C8orf34: variants seen among roughly 807,000 people sequenced by gnomAD.
C8orf34 encodes the protein chromosome 8 open reading frame 34.
C8orf34 carries 65 observed loss-of-function variants against 68.3 expected under a neutral mutation model. The observed-to-expected ratio is 0.95, with a 90% CI of 0.78 to 1.17. The LOEUF is 1.17. C8orf34 is among the 50% of genes most tolerant of loss of function. C8orf34 has a pLI of 0.00. For synonymous variants in C8orf34, 244 were observed against 241.2 expected, an observed-to-expected ratio of 1.01 and a Z score of -0.11; for missense variants, 664 against 655.4, an observed-to-expected ratio of 1.01 and a Z score of -0.14.
chr8:68,340,414 A>T (rs2129617986), intron 1 of C8orf34, among the ~76,000 whole-genome samples: 1 of 152,290 alleles, frequency 6.6e-6, no homozygotes, highest in Non-Finnish European at 1.5e-5. Context: ...TTATTTTCTG[A>T]AAGATTAATA....
chr8:68,765,890 G>A (rs1377156709), intron 10 of C8orf34, among the ~76,000 whole-genome samples: 2 of 152,288 alleles, frequency 1.3e-5, no homozygotes, highest in African/African-American at 4.8e-5. Context: ...TATATGACCT[G>A]AATTTGTTTA....
intron 3 of C8orf34, among the ~76,000 whole-genome samples, chr8:68,463,210 T>C (rs554476383): frequency 0.013 from 2,014 of 152,172 alleles, 46 homozygotes; most frequent in African/African-American, 0.046. Flanking sequence ...ATAAATTCCT[T>C]GACACATACA....
intron 11 of C8orf34, among the ~76,000 whole-genome samples, chr8:68,781,039 A>T (rs1420094999): frequency 1.3e-5 from 2 of 152,202 alleles, no homozygotes; most frequent in African/African-American, 4.8e-5. Context: ...AATTAAAGTG[A>T]TTAAACCATT....
chr8:68,735,397 C>T (rs771615236), intron 10 of C8orf34, among the ~76,000 whole-genome samples: 6 of 152,150 alleles, frequency 3.9e-5, no homozygotes, highest in Non-Finnish European at 7.4e-5. Flanking sequence ...AACGATAACA[C>T]GTAGCTGCAT....
chr8:68,785,600 G>C (rs890780463), intron 11 of C8orf34, among the ~76,000 whole-genome samples: 23 of 152,170 alleles, frequency 1.5e-4, no homozygotes, highest in African/African-American at 4.8e-4. Flanking sequence ...CCCCTTCAGT[G>C]AGGTTGTTTC....
intron 10 of C8orf34, among the ~76,000 whole-genome samples, chr8:68,748,612 T>C (rs546104715): frequency 3.3e-4 from 50 of 152,302 alleles, no homozygotes; most frequent in African/African-American, 4.8e-4. Flanking sequence ...AAGACATTTA[T>C]GCAGCCAAAA....
intron 5 of C8orf34, among the ~76,000 whole-genome samples, chr8:68,502,735 G>C (rs565106215): frequency 6.6e-6 from 1 of 152,304 alleles, no homozygotes; most frequent in African/African-American, 2.4e-5. Flanking sequence ...GTAGAATTAT[G>C]AAATTAGACA....
intron 1 of C8orf34, among the ~76,000 whole-genome samples, chr8:68,345,261 G>C (rs993520599): frequency 6.6e-6 from 1 of 151,874 alleles, no homozygotes; most frequent in Admixed American, 6.6e-5. Context: ...TGAGACAATT[G>C]ATATTGCATT....
chr8:68,758,680 G>A (rs1220924046), intron 10 of C8orf34, among the ~76,000 whole-genome samples: 1 of 152,018 alleles, frequency 6.6e-6, no homozygotes, highest in Non-Finnish European at 1.5e-5. Flanking sequence ...GAACCTGGGG[G>A]CTTTGCAGAA....
intron 11 of C8orf34, among the ~76,000 whole-genome samples, chr8:68,780,811 A>G (rs1823653173): frequency 6.6e-6 from 1 of 152,176 alleles, no homozygotes. Context: ...CCATTTCATT[A>G]ACAAATGCAA....
chr8:68,371,094 G>A (rs939779552), intron 1 of C8orf34, among the ~76,000 whole-genome samples: 2 of 152,164 alleles, frequency 1.3e-5, no homozygotes, highest in South Asian at 4.1e-4. Flanking sequence ...CAACATAGGA[G>A]AGCAAGCTGC....
intron 1 of C8orf34, among the ~76,000 whole-genome samples, chr8:68,406,733 G>GACCC (rs1396189432): frequency 1.3e-5 from 2 of 152,022 alleles, no homozygotes. Flanking sequence ...GACCTCAAGT[G>GACCC]ACCCACTCAC....
Position 68,799,053 on chromosome 8 carries a change from G to A in C8orf34, c.1549+11517G>A, listed in dbSNP as rs139115975. Among the ~76,000 whole-genome samples the A allele has an allele frequency of 3.7e-3, 557 of 152,252 alleles. 6 individuals carry two copies. Among genetic ancestry groups the A allele is most frequent in the African/African-American group, 0.013 (524 of 41,550 alleles). ...AGAGAAGGCTGTATTTAAACAATGA[G>A]ATGATAGAACTATTCTTTTACAATG... On this transcript the variant is annotated intron_variant, in intron 12 of 13. Coordinates refer to ENST00000518698, the MANE Select transcript of C8orf34 (RefSeq NM_052958.4).
chr8:68,583,105 G>C lies in C8orf34; in HGVS notation c.1105+49956G>C, dbSNP rs147458926. ...TTTTAGAGCTTTTCCTGTGTCTGCT[G>C]TTTCTCAAAATAATCAGCTCAAAAT... On this transcript the variant is annotated intron_variant, in intron 7 of 13. Coordinates refer to ENST00000518698, the MANE Select transcript of C8orf34 (RefSeq NM_052958.4). 3.0e-3 allele frequency among the ~76,000 whole-genome samples: 460 copies of C among 152,090 alleles called. 3 individuals carry two copies. The highest frequency in any genetic ancestry group is 0.011 in the African/African-American group (443 of 41,506).
chr8:68,609,605 A>G (rs993116047), intron 7 of C8orf34, among the ~76,000 whole-genome samples: 9 of 152,150 alleles, frequency 5.9e-5, no homozygotes, highest in African/African-American at 9.6e-5. Flanking sequence ...TTGGTAAATT[A>G]CTAGCTCTAT....
chr8:68,747,757 C>G (rs1170991312), intron 10 of C8orf34, among the ~76,000 whole-genome samples: 1 of 151,604 alleles, frequency 6.6e-6, no homozygotes, highest in Admixed American at 6.6e-5. Context: ...AATGGAAGAA[C>G]ATTCCATGCT....
At chr8:68,462,626 G>A (rs1811895607) in intron 3 of C8orf34, among the ~76,000 whole-genome samples, 1 of 151,880 alleles carries the variant, frequency 6.6e-6, no homozygotes, top group Non-Finnish European at 1.5e-5. Context: ...TAGAACTCAG[G>A]ATTAAGAAAC....
intron 1 of C8orf34, among the ~76,000 whole-genome samples, chr8:68,371,660 C>T (rs1807569551): frequency 6.6e-6 from 1 of 150,890 alleles, no homozygotes; most frequent in Admixed American, 6.6e-5. Flanking sequence ...AGTGCAATGG[C>T]ATGATCTCGG....
At chr8:68,456,040 T>G (rs1169075944) in intron 3 of C8orf34, among the ~76,000 whole-genome samples, 2 of 150,642 alleles carry the variant, frequency 1.3e-5, no homozygotes, top group Non-Finnish European at 3.0e-5. Context: ...GGTCAGGAGA[T>G]TGAGACCATC....
Sources: allele counts gnomAD v4.1 joint callset (sites outside exome capture counted in the v4.1 genomes callset), GRCh38; gene constraint gnomAD v4.1.1; transcripts MANE v1.5; gene names NCBI Gene and HGNC (gene_info 2026-07-23, HGNC 2026-07-21).